The following RBFOX1 variants were observed in gnomAD, a reference collection of about 807,000 sequenced individuals.
The protein encoded by RBFOX1 is RNA binding fox-1 homolog 1.
Under a neutral mutation model 57.7 loss-of-function variants are expected in RBFOX1, and 8 were observed. The observed-to-expected ratio is 0.14, with a 90% confidence interval of 0.08 to 0.25. RBFOX1 has a LOEUF of 0.25. RBFOX1 is among the 10% of genes least tolerant of loss of function. RBFOX1 has a pLI of 1.00. For synonymous variants in RBFOX1, 326 were observed against 222.4 expected (o/e 1.47, Z -4.15); for missense variants, 611 against 548.5 (o/e 1.11, Z -1.14).
chr16:6,142,286 A>C (rs1429969709), intron 1 of RBFOX1, among the ~76,000 whole-genome samples: 1 of 127,894 alleles, frequency 7.8e-6, no homozygotes, highest in African/African-American at 3.0e-5. Context: ...AAATGGCGTG[A>C]TCTTGGCTCA....
chr16:7,048,937 C>A (rs1392204522), intron 3 of RBFOX1, among the ~76,000 whole-genome samples: 1 of 152,102 alleles, frequency 6.6e-6, no homozygotes, highest in Non-Finnish European at 1.5e-5. Flanking sequence ...GGATTTGTTT[C>A]CAATATCAGT....
chr16:5,900,510 G>T (rs1053273587), intron 4 of RBFOX1, among the ~76,000 whole-genome samples: 12 of 152,106 alleles, frequency 7.9e-5, no homozygotes, highest in African/African-American at 1.9e-4. Flanking sequence ...TAGCCCTTTT[G>T]CCCCAGAGTA....
chr16:6,280,896 G>C (rs1198486311), intron 1 of RBFOX1, among the ~76,000 whole-genome samples: 1 of 151,832 alleles, frequency 6.6e-6, no homozygotes, highest in East Asian at 2.0e-4. Context: ...ATGTCTAGGA[G>C]CGTGCTCAGT....
At chr16:5,997,475 G>T (rs191295887) in intron 4 of RBFOX1, among the ~76,000 whole-genome samples, 1 of 152,090 alleles carries the variant, frequency 6.6e-6, no homozygotes, top group African/African-American at 2.4e-5. Flanking sequence ...TATGAAGGTG[G>T]GGTTTTTGTG....
At position 5,778,357 on chromosome 16, in the gene RBFOX1, C is replaced by T. The variant is rs145398949; in HGVS notation, c.319-88946C>T. 2.5e-3 allele frequency among the ~76,000 whole-genome samples: 380 copies of T among 152,266 alleles called. 3 individuals carry two copies. Among genetic ancestry groups the T allele is most frequent in the Non-Finnish European group, 2.2e-3 (152 of 68,032 alleles). The stretch of plus-strand genomic sequence containing the variant: ...CCATCTTGCAAGACAGGACCCCCGA[C>T]CTGGCTAGTTCTCTGATCACCTGGA... On this transcript the variant is annotated intron_variant, in intron 3 of 19. Coordinates refer to the RBFOX1 transcript ENST00000641259.
At chr16:6,343,516 A>G (rs1011597765) in intron 2 of RBFOX1, among the ~76,000 whole-genome samples, 12 of 152,226 alleles carry the variant, frequency 7.9e-5, no homozygotes, top group South Asian at 2.1e-4. Flanking sequence ...GAGGTGGAAC[A>G]TATTTCCTGT....
At chr16:5,893,144 A>G (rs2058085166) in intron 4 of RBFOX1, among the ~76,000 whole-genome samples, 1 of 152,176 alleles carries the variant, frequency 6.6e-6, no homozygotes, top group Non-Finnish European at 1.5e-5. Context: ...TTTCCTTAAC[A>G]TTCTAAATTA....
intron 2 of RBFOX1, among the ~76,000 whole-genome samples, chr16:6,377,387 A>G (rs935614378): frequency 1.3e-5 from 2 of 152,212 alleles, no homozygotes; most frequent in Non-Finnish European, 2.9e-5. Context: ...CCTATTTCCA[A>G]ATAAGCCCAC....
intron 2 of RBFOX1, among the ~76,000 whole-genome samples, chr16:6,349,673 C>T (rs1229572172): frequency 1.3e-5 from 2 of 152,110 alleles, no homozygotes; most frequent in South Asian, 2.1e-4. Flanking sequence ...AGAGAGCAAA[C>T]CTGGCATTAA....
chr16:6,010,088 C>G (rs1301383385), intron 4 of RBFOX1, among the ~76,000 whole-genome samples: 1 of 152,084 alleles, frequency 6.6e-6, no homozygotes, highest in Non-Finnish European at 1.5e-5. Context: ...CTTCTTTCTT[C>G]CTGGGGACAT....
At chr16:6,665,466 TA>T (rs1264501465) in intron 3 of RBFOX1, among the ~76,000 whole-genome samples, 7 of 151,984 alleles carry the variant, frequency 4.6e-5, no homozygotes, top group African/African-American at 7.2e-5. Flanking sequence ...ATAAAAAATA[TA>T]AAAAAATATT....
At chr16:6,663,894 T>C (rs12325543) in intron 3 of RBFOX1, among the ~76,000 whole-genome samples, 1 of 152,046 alleles carries the variant, frequency 6.6e-6, no homozygotes, top group Non-Finnish European at 1.5e-5. Context: ...TACACGTCAG[T>C]GTAGCTGGGG....
chr16:6,850,271 A>C (rs2141938091), intron 3 of RBFOX1, among the ~76,000 whole-genome samples: 1 of 152,314 alleles, frequency 6.6e-6, no homozygotes, highest in South Asian at 2.1e-4. Context: ...AATAAAAGTA[A>C]ATAAATAATT....
chr16:7,103,785 C>A (rs2151418319), intron 4 of RBFOX1, among the ~76,000 whole-genome samples: 1 of 152,222 alleles, frequency 6.6e-6, no homozygotes, highest in Admixed American at 6.5e-5. Context: ...AGGTACCCAG[C>A]AATATGTCAG....
chr16:6,909,681 G>A (rs999533882), intron 3 of RBFOX1, among the ~76,000 whole-genome samples: 4 of 152,188 alleles, frequency 2.6e-5, no homozygotes, highest in African/African-American at 4.8e-5. Flanking sequence ...GGAATCCTAT[G>A]TGCCTAACAC....
intron 1 of RBFOX1, among the ~76,000 whole-genome samples, chr16:5,457,506 A>G (rs778855112): frequency 8.5e-5 from 13 of 152,220 alleles, no homozygotes; most frequent in East Asian, 3.9e-4. Context: ...ATCACCTCCC[A>G]TTGGACCCAC....
intron 10 of RBFOX1, among the ~76,000 whole-genome samples, chr16:7,617,564 A>C (rs543939233): frequency 1.5e-3 from 230 of 152,306 alleles, no homozygotes; most frequent in African/African-American, 5.2e-3. Flanking sequence ...ACATGAACCC[A>C]TGACCTTAGC....
intron 3 of RBFOX1, among the ~76,000 whole-genome samples, chr16:7,045,773 A>G (rs933652954): frequency 6.6e-6 from 1 of 152,022 alleles, no homozygotes; most frequent in Non-Finnish European, 1.5e-5. Flanking sequence ...CTCTTGCCTC[A>G]GCCTCCTGAG....
intron 3 of RBFOX1, among the ~76,000 whole-genome samples, chr16:5,817,859 T>G (rs2055699074): frequency 6.6e-6 from 1 of 151,970 alleles, no homozygotes; most frequent in Non-Finnish European, 1.5e-5. Context: ...CCCGGCTAAT[T>G]TTTTGTATTT....
Sources: allele counts gnomAD v4.1 joint callset (sites outside exome capture counted in the v4.1 genomes callset), GRCh38; gene constraint gnomAD v4.1.1; transcripts MANE v1.5; gene names NCBI Gene and HGNC (gene_info 2026-07-23, HGNC 2026-07-21).